Variants in COL22A1 observed in about 807,000 individuals in gnomAD.
The protein encoded by COL22A1 is collagen alpha-1(XXII) chain.
Under a neutral mutation model 248.9 loss-of-function variants are expected in COL22A1, and 221 were observed. That is an observed-to-expected ratio of 0.89 (90% CI 0.80 to 0.99). COL22A1 has a LOEUF of 0.99. COL22A1 is among the 50% of genes least tolerant of loss of function. COL22A1 has a pLI of 0.00. For missense variants in COL22A1, 2,240 were observed against 2,179.0 expected (o/e 1.03, Z -0.56); for synonymous variants, 891 against 793.4 (o/e 1.12, Z -2.07).
intron 41 of COL22A1, among the ~76,000 whole-genome samples, chr8:138,666,950 C>T (rs1003144231): frequency 7.9e-5 from 12 of 152,172 alleles, no homozygotes; most frequent in African/African-American, 2.9e-4. Context: ...CTTCACTTTT[C>T]TCAATTGTAA....
rs377674515 is a variant in COL22A1, at chr8:138,679,685, A to G, written c.3013-9T>C. On this transcript the variant is annotated splice_polypyrimidine_tract_variant and intron_variant, in intron 39 of 64. Coordinates refer to ENST00000303045, the MANE Select transcript of COL22A1 (RefSeq NM_152888.3). ...ACTTTTCCGCAAGCAGCCTGAAAGT[A>G]GAAAATCTTCACTCATTTCTTCACC... The G allele has an allele frequency of 8.7e-6, 14 of 1,613,290 alleles. No homozygotes were observed. In the African/African-American group the frequency reaches 1.6e-4, roughly 18 times the overall value.
chr8:138,826,566 G>T, intron 6 of COL22A1, 92 bp downstream of exon 6: 1 of 1,353,114 alleles, frequency 7.4e-7, no homozygotes, highest in Non-Finnish European at 1.0e-6. Context: ...AGGGATAAGA[G>T]CCCTGGAGAA....
chr8:138,606,276 G>T, intron 58 of COL22A1, 105 bp downstream of exon 58: 1 of 1,049,204 alleles, frequency 9.5e-7, no homozygotes, highest in East Asian at 2.6e-5. Flanking sequence ...ATCATGGCCT[G>T]AGCAGACAGA....
At chr8:138,616,445 C>T (rs766022555) in intron 54 of COL22A1, among the ~76,000 whole-genome samples, 1 of 152,190 alleles carries the variant, frequency 6.6e-6, no homozygotes, top group Non-Finnish European at 1.5e-5. Flanking sequence ...ATGTCACTTC[C>T]ATTCTGGGCA....
intron 53 of COL22A1, 26 bp downstream of exon 53, chr8:138,619,418 TTGGTTCTACCG>T: frequency 1.2e-6 from 2 of 1,603,838 alleles, no homozygotes; most frequent in Non-Finnish European, 1.7e-6. Context: ...GCTGATGGGC[TTGGTTCTACCG>T]TTCCCCACAC....
At chr8:138,725,537 G>T in intron 23 of COL22A1, 97 bp from the exon 24 acceptor site, 1 of 897,008 alleles carries the variant, frequency 1.1e-6, no homozygotes, top group Non-Finnish European at 1.7e-6. Context: ...GGGGACAGGA[G>T]GATGAGGTGG....
intron 60 of COL22A1, among the ~76,000 whole-genome samples, chr8:138,599,205 G>A (rs1319425486): frequency 1.3e-5 from 2 of 152,220 alleles, no homozygotes; most frequent in South Asian, 2.1e-4. Flanking sequence ...AGCCGGGCGT[G>A]GTGGCAGGCG....
At chr8:138,820,514 G>A (rs1819025943) in intron 7 of COL22A1, among the ~76,000 whole-genome samples, 1 of 151,690 alleles carries the variant, frequency 6.6e-6, no homozygotes, top group Non-Finnish European at 1.5e-5. Flanking sequence ...GGAGGGAAGA[G>A]GAAAAATAAA....
intron 1 of COL22A1, among the ~76,000 whole-genome samples, chr8:138,904,340 A>C (rs574295435): frequency 6.6e-5 from 10 of 151,876 alleles, no homozygotes; most frequent in Non-Finnish European, 1.2e-4. Context: ...GAGACACCCC[A>C]CACACACACC....
intron 25 of COL22A1, among the ~76,000 whole-genome samples, chr8:138,723,923 C>A (rs181054063): frequency 1.3e-5 from 2 of 152,162 alleles, no homozygotes; most frequent in Non-Finnish European, 2.9e-5. Context: ...GCTTCACCTC[C>A]GCCTCACCCC....
intron 51 of COL22A1, among the ~76,000 whole-genome samples, chr8:138,625,934 A>T (rs925129505): frequency 3.2e-4 from 49 of 152,344 alleles, no homozygotes; most frequent in African/African-American, 1.2e-3. Flanking sequence ...AGAGAGAGAA[A>T]AATTACTATT....
chr8:138,746,219 T>C (rs1208007479), intron 22 of COL22A1, among the ~76,000 whole-genome samples: 5 of 152,212 alleles, frequency 3.3e-5, no homozygotes, highest in Non-Finnish European at 5.9e-5. Flanking sequence ...CCATGTTTAG[T>C]GTCTGTCTCT....
At chr8:138,718,664 C>T (rs1019461904) in intron 27 of COL22A1, among the ~76,000 whole-genome samples, 62 of 152,180 alleles carry the variant, frequency 4.1e-4, no homozygotes, top group African/African-American at 1.4e-3. Context: ...AATAAAGTAA[C>T]AAGACCCTCT....
chr8:138,677,065 G>T (rs4545144), intron 40 of COL22A1, among the ~76,000 whole-genome samples: 5,664 of 152,216 alleles, frequency 0.037, 194 homozygotes, highest in African/African-American at 0.089. Flanking sequence ...CCAATAATTT[G>T]CCAAGTACCT....
At chr8:138,772,166 T>C (rs1834422667) in intron 16 of COL22A1, among the ~76,000 whole-genome samples, 1 of 152,186 alleles carries the variant, frequency 6.6e-6, no homozygotes, top group South Asian at 2.1e-4. Context: ...GTCTGCACGC[T>C]GAGTTCGATC....
chr8:138,636,130 G>A (rs1325934024), intron 48 of COL22A1, among the ~76,000 whole-genome samples: 1 of 152,148 alleles, frequency 6.6e-6, no homozygotes, highest in African/African-American at 2.4e-5. Flanking sequence ...AAGGATAACA[G>A]TCATTTCCGT....
At chr8:138,705,190 C>A (rs1257555833) in intron 30 of COL22A1, among the ~76,000 whole-genome samples, 1 of 152,150 alleles carries the variant, frequency 6.6e-6, no homozygotes, top group Non-Finnish European at 1.5e-5. Context: ...AGAATGGAAC[C>A]AAGTTGGAAA....
intron 21 of COL22A1, among the ~76,000 whole-genome samples, chr8:138,754,073 TA>T (rs1342717547): frequency 1.3e-5 from 2 of 152,204 alleles, no homozygotes; most frequent in Admixed American, 1.3e-4. Context: ...TTTTCATTGG[TA>T]AAAGATGAAA....
At chr8:138,896,827 G>C (rs1016637071) in intron 1 of COL22A1, among the ~76,000 whole-genome samples, 3 of 152,124 alleles carry the variant, frequency 2.0e-5, no homozygotes, top group Admixed American at 6.5e-5. Flanking sequence ...ACAAAAATTA[G>C]CTGAACGTGG....
Sources: allele counts gnomAD v4.1 joint callset (sites outside exome capture counted in the v4.1 genomes callset), GRCh38; gene constraint gnomAD v4.1.1; transcripts MANE v1.5; gene names NCBI Gene and HGNC (gene_info 2026-07-23, HGNC 2026-07-21).